NUP155: variants seen among roughly 807,000 people sequenced by gnomAD.
The protein encoded by NUP155 is nucleoporin 155.
In NUP155, 71 loss-of-function variants were observed where a neutral mutation model predicts 180.4. That is an observed-to-expected ratio of 0.39 (90% CI 0.33 to 0.48). The LOEUF (loss-of-function observed/expected upper bound fraction) is 0.48, where lower values mean the gene tolerates loss of function less well. NUP155 is among the 20% of genes least tolerant of loss of function. The pLI is 0.91. For synonymous variants in NUP155, 582 were observed against 559.5 expected (o/e 1.04, Z -0.57); for missense variants, 1,553 against 1,648.9 (o/e 0.94, Z 1.01).
chr5:37,313,296 T>A (rs551485108), intron 22 of NUP155, among the ~76,000 whole-genome samples: 1 of 151,672 alleles, frequency 6.6e-6, no homozygotes, highest in South Asian at 2.1e-4. Context: ...CTGGGCGTGG[T>A]GGCATGCACC....
Position 37,329,093 on chromosome 5 carries a change from A to G in NUP155, c.1813+97T>C, listed in dbSNP as rs1378011045. On this transcript the variant is annotated intron_variant, in intron 16 of 34. Transcript: ENST00000231498. ...TTCATCAATTATACAATAGCAGTAA[A>G]TAAAACATAATGAAAAGGCTTATTG... 4 of 833,104 alleles carry G rather than the reference A, an allele frequency of 4.8e-6. No homozygotes were observed. The African/African-American group carries it at 5.1e-5, about 11-fold the overall frequency. 51.6% of individuals were successfully genotyped at this position (833,104 alleles called of 1,614,324 possible).
intron 3 of NUP155, among the ~76,000 whole-genome samples, chr5:37,362,857 A>G (rs1057204419): frequency 6.6e-6 from 1 of 152,182 alleles, no homozygotes; most frequent in African/African-American, 2.4e-5. Flanking sequence ...GGTTTCGTTT[A>G]AGCTATAGGT....
chr5:37,309,100 A>C lies in NUP155; in HGVS notation c.2767+29T>G, dbSNP rs202043598. The C allele has an allele frequency of 8.1e-6, 13 of 1,609,482 alleles. No homozygotes were observed. In the African/African-American group the frequency reaches 1.7e-4, roughly 22 times the overall value. On this transcript the variant is annotated intron_variant, in intron 24 of 34. Transcript: ENST00000231498. The stretch of plus-strand genomic sequence containing the variant: ...TATTGTTTGTCTTTTGAGTTGAGTA[A>C]AAGATACAAGAAACATTTTATTTCT...
At chr5:37,364,115 T>C in intron 2 of NUP155, 131 bp from the exon 3 acceptor site, 4 of 1,085,580 alleles carry the variant, frequency 3.7e-6, no homozygotes, top group South Asian at 2.6e-5. Context: ...ATGGAACCCA[T>C]ATACTTAAAC....
chr5:37,310,538 AT>A lies in NUP155; in HGVS notation c.2628+13del. 1 of 1,597,140 alleles carries A rather than the reference AT, an allele frequency of 6.3e-7. No homozygotes were observed. The highest frequency in any genetic ancestry group is 8.6e-7 in the Non-Finnish European group (1 of 1,165,050). Reference sequence around the variant, plus strand: ...CTTATAACAAACAATGAAATAGGTAATAAAGTATCATACCTTAGAACAAATT... The same window carrying A: ...CTTATAACAAACAATGAAATAGGTAAAAAGTATCATACCTTAGAACAAATT... On this transcript the variant is annotated intron_variant, in intron 23 of 34. Coordinates refer to ENST00000231498, the MANE Select transcript of NUP155 (RefSeq NM_153485.3).
intron 30 of NUP155, among the ~76,000 whole-genome samples, chr5:37,300,036 A>C (rs1742783385): frequency 6.6e-6 from 1 of 152,070 alleles, no homozygotes; most frequent in Admixed American, 6.6e-5. Context: ...AAAAAAAAAA[A>C]AAAAGGGTAA....
chr5:37,309,513 G>A (rs1419589620), intron 23 of NUP155: 2 of 458,852 alleles, frequency 4.4e-6, no homozygotes, highest in Admixed American at 3.4e-5. Flanking sequence ...CTCTTGCCTA[G>A]TCAATACATT....
chr5:37,327,716 G>T lies in NUP155; in HGVS notation c.1937C>A (p.Ala646Asp). Residue 646 changes from alanine (A) to aspartate (D), a missense_variant, in exon 18 of 35, where the codon GCC becomes GAC. By Grantham distance (126) the Ala-to-Asp change is moderately radical. Transcript: ENST00000231498. The part of the protein sequence containing the change: ...VCALGNPATQ[A>D]TNMSCVTGPE... ...TCCAGTCACACAACTCATATTTGTG[G>T]CCTGAGTTGCTGGGTTTCCCAGAGC... 3 of 1,614,040 alleles carry T rather than the reference G, an allele frequency of 1.9e-6. No individual in the cohort carries two copies. The highest frequency in any genetic ancestry group is 2.5e-6 in the Non-Finnish European group (3 of 1,179,936).
intron 20 of NUP155, among the ~76,000 whole-genome samples, chr5:37,321,609 C>T (rs1428101994): frequency 1.3e-5 from 2 of 149,790 alleles, no homozygotes; most frequent in African/African-American, 2.5e-5. Flanking sequence ...CCCAGCTACT[C>T]GGGAGGCTGA....
At chr5:37,342,744 CTTTTT>C in intron 9 of NUP155, 98 bp from the exon 10 acceptor site, 1 of 780,402 alleles carries the variant, frequency 1.3e-6, no homozygotes, top group Non-Finnish European at 2.0e-6. Flanking sequence ...CCATATTTTC[CTTTTT>C]TTTTTGAGAT....
chr5:37,350,119 G>C, intron 7 of NUP155, 41 bp downstream of exon 7: 1 of 1,326,258 alleles, frequency 7.5e-7, no homozygotes, highest in East Asian at 2.3e-5. Context: ...CAATGTGTTA[G>C]AAATTAGTTG....
At chr5:37,305,288 G>T in intron 25 of NUP155, 78 bp from the exon 26 acceptor site, 1 of 1,291,838 alleles carries the variant, frequency 7.7e-7, no homozygotes, top group Non-Finnish European at 1.1e-6. Context: ...ACTCACGCCT[G>T]TAATGCCAGC....
intron 20 of NUP155, 108 bp downstream of exon 20, chr5:37,323,884 T>C (rs1744409669): frequency 1.3e-6 from 1 of 750,010 alleles, no homozygotes; most frequent in Non-Finnish European, 2.4e-6. Context: ...CACTAAAAAA[T>C]ACTAAACTGC....
chr5:37,353,608 A>G (rs1746616067), intron 4 of NUP155, among the ~76,000 whole-genome samples: 1 of 152,056 alleles, frequency 6.6e-6, no homozygotes, highest in African/African-American at 2.4e-5. Flanking sequence ...TAAAAACATA[A>G]AAGGAAAAAT....
Position 37,292,898 on chromosome 5 carries a change from G to C in NUP155, c.4018C>G (p.Gln1340Glu), listed in dbSNP as rs1397346969. 2 of 1,607,708 alleles carry C rather than the reference G, an allele frequency of 1.2e-6. No individual in the cohort carries two copies. Among genetic ancestry groups the C allele is most frequent in the African/African-American group, 1.3e-5 (1 of 74,872 alleles). ...AAGTACCTTTCACAATTTAAAACTTGGCTGGGATTCTCAACATATCTTATC... is the reference window on the plus strand; with the variant it reads ...AAGTACCTTTCACAATTTAAAACTTCGCTGGGATTCTCAACATATCTTATC... Reference protein sequence around the residue: ...LLIRYVENPSQVLNCERRRFT... With the variant: ...LLIRYVENPSEVLNCERRRFT... Residue 1340 changes from glutamine (Q) to glutamate (E), a missense_variant, in exon 34 of 35, where the codon CAA becomes GAA. Transcript: ENST00000231498.
intron 15 of NUP155, 121 bp downstream of exon 15, chr5:37,329,917 T>C (rs1023933445): frequency 1.4e-6 from 1 of 708,216 alleles, no homozygotes; most frequent in African/African-American, 1.8e-5. Flanking sequence ...CAAATGAATT[T>C]TGGTAATTTG....
chr5:37,312,449 A>T (rs1743588520), intron 22 of NUP155, among the ~76,000 whole-genome samples: 1 of 152,210 alleles, frequency 6.6e-6, no homozygotes. Flanking sequence ...ACAAGGCAAC[A>T]GCAAGGAAAA....
rs538229086 is a variant in NUP155 at position 37,309,308 on chromosome 5, C to G, written c.2629-41G>C. On this transcript the variant is annotated intron_variant, in intron 23 of 34. Coordinates refer to ENST00000231498, the MANE Select transcript of NUP155 (RefSeq NM_153485.3). The stretch of plus-strand genomic sequence containing the variant: ...ACAAGAACTTAAAAATATATAAAAT[C>G]AAGCAGACAGATGATGCTGTCAACT... 3 of 1,547,950 alleles carry G rather than the reference C, an allele frequency of 1.9e-6. No individual in the cohort carries two copies. In the South Asian group the frequency reaches 3.4e-5, roughly 18 times the overall value.
At position 37,337,381 on chromosome 5, in the gene NUP155, A is replaced by T. The variant is rs191059758; in HGVS notation, c.1347+437T>A. Among the ~76,000 whole-genome samples, 14 of 149,130 alleles carry T rather than the reference A, an allele frequency of 9.4e-5. No homozygotes were observed. The East Asian group carries it at 2.7e-3, about 29-fold the overall frequency. ...TTTATGTTTGAAAGTTTCCATAATT[A>T]AAAAAAAAACAGACAAAATTACAAA... On this transcript the variant is annotated intron_variant, in intron 12 of 34. Coordinates refer to ENST00000231498, the MANE Select transcript of NUP155 (RefSeq NM_153485.3).
Sources: allele counts gnomAD v4.1 joint callset (sites outside exome capture counted in the v4.1 genomes callset), GRCh38; gene constraint gnomAD v4.1.1; transcripts MANE v1.5; gene names NCBI Gene and HGNC (gene_info 2026-07-23, HGNC 2026-07-21).